Variants in MPZL1 observed in about 807,000 individuals in gnomAD.
MPZL1 encodes myelin protein zero-like protein 1.
In MPZL1, 16 loss-of-function variants were observed where a neutral mutation model predicts 29.3. The ratio of observed to expected loss-of-function variants is 0.55; its 90% confidence interval spans 0.37 to 0.83. The LOEUF (loss-of-function observed/expected upper bound fraction) is 0.83. Ranked by LOEUF, MPZL1 falls within the 40% of genes least tolerant of loss-of-function variation. MPZL1 has a pLI of 0.00. For missense variants in MPZL1, 279 were observed against 332.9 expected, an observed-to-expected ratio of 0.84 and a Z score of 1.26; for synonymous variants, 143 against 132.0, an observed-to-expected ratio of 1.08 and a Z score of -0.57.
chr1:167,722,041 C>T lies in MPZL1; in HGVS notation c.-111C>T. Reference sequence around the variant, plus strand: ...GGGAGCGCGGCGTGGAGGTGCCACCCGGCGCGGGTGGCGGAGAGATCAGAA... The same window carrying T: ...GGGAGCGCGGCGTGGAGGTGCCACCTGGCGCGGGTGGCGGAGAGATCAGAA... On this transcript the variant is annotated 5_prime_UTR_variant, in exon 1 of 6. Transcript: ENST00000359523. 1 of 1,224,528 alleles carries T rather than the reference C, an allele frequency of 8.2e-7. No homozygotes were observed. The highest frequency in any genetic ancestry group is 1.0e-6 in the Non-Finnish European group (1 of 982,044). 75.9% of individuals were successfully genotyped at this position (1,224,528 alleles called of 1,614,324 possible). A position where few individuals can be genotyped will look rare whatever the true frequency, so the allele number is the denominator to read the frequency against.
intron 1 of MPZL1, among the ~76,000 whole-genome samples, chr1:167,746,938 C>T (rs903017933): frequency 3.3e-5 from 5 of 152,084 alleles, no homozygotes; most frequent in Non-Finnish European, 5.9e-5. Context: ...GGAATTTGAT[C>T]CTTCATAGCA....
intron 1 of MPZL1, among the ~76,000 whole-genome samples, chr1:167,743,136 C>T (rs1402763953): frequency 6.6e-6 from 1 of 151,612 alleles, no homozygotes. Context: ...TTTTCTAGTT[C>T]TGTGAAAACT....
intron 5 of MPZL1, among the ~76,000 whole-genome samples, chr1:167,786,229 G>A (rs546180100): frequency 6.2e-4 from 94 of 152,264 alleles, no homozygotes; most frequent in African/African-American, 2.1e-3. Context: ...AGCCATTATA[G>A]ACTAAAGATA....
At chr1:167,787,775 C>G (rs368401757) in intron 5 of MPZL1, 45 bp from the exon 6 acceptor site, 1 of 1,446,500 alleles carries the variant, frequency 6.9e-7, no homozygotes. Flanking sequence ...CTGAAGGAAC[C>G]GCCAGCGTTT....
At chr1:167,743,466 A>G (rs1019467378) in intron 1 of MPZL1, among the ~76,000 whole-genome samples, 2 of 151,962 alleles carry the variant, frequency 1.3e-5, no homozygotes, top group African/African-American at 4.8e-5. Flanking sequence ...TCGGCCTCCC[A>G]AAGTACTGAG....
intron 1 of MPZL1, among the ~76,000 whole-genome samples, chr1:167,747,622 T>C (rs540911268): frequency 3.8e-4 from 58 of 152,334 alleles, no homozygotes; most frequent in Non-Finnish European, 7.1e-4. Context: ...CCCTGTCCCT[T>C]TGCTGAGGAA....
chr1:167,774,289 T>C lies in MPZL1; in HGVS notation c.605+921T>C, dbSNP rs568146973. On this transcript the variant is annotated intron_variant, in intron 4 of 5. Transcript: ENST00000359523. ...AGCAGAGGCTGGATTCAAGTTGATA[T>C]AGCATGAGCAGTGTTGCAGATGCAC... Among the ~76,000 whole-genome samples, 26 of 152,318 alleles carry C rather than the reference T, an allele frequency of 1.7e-4. No homozygotes were observed. The East Asian group carries it at 2.9e-3, about 17-fold the overall frequency.
chr1:167,743,219 T>C (rs1660571307), intron 1 of MPZL1, among the ~76,000 whole-genome samples: 1 of 152,002 alleles, frequency 6.6e-6, no homozygotes, highest in East Asian at 1.9e-4. Flanking sequence ...TTTCACTTTT[T>C]TTTTTTCTTC....
intron 4 of MPZL1, 173 bp downstream of exon 4, chr1:167,773,541 G>T: frequency 1.5e-6 from 1 of 658,990 alleles, no homozygotes; most frequent in Middle Eastern, 4.4e-4. Context: ...GAAATCAGTG[G>T]GCCTGCTATT....
chr1:167,765,688 C>G lies in MPZL1; in HGVS notation c.197C>G (p.Thr66Ser), dbSNP rs1166209474. 5.0e-6 allele frequency: 8 copies of G among 1,613,228 alleles called. No individual in the cohort carries two copies. In the Middle Eastern group the frequency reaches 4.9e-4, roughly 99 times the overall value. Residue 66 changes from threonine (T) to serine (S), a missense_variant, in exon 2 of 6, where the codon ACT becomes AGT. Coordinates refer to ENST00000359523, the MANE Select transcript of MPZL1 (RefSeq NM_003953.6). ...LTCKFKSTST[T>S]GGLTSVSWSF... ...TGCAAGTTCAAGTCTACTAGTACGA[C>G]TGGCGGGTTGACCTCAGTCTCCTGG...
chr1:167,760,327 C>T (rs894267953), intron 1 of MPZL1, among the ~76,000 whole-genome samples: 4 of 151,004 alleles, frequency 2.6e-5, no homozygotes, highest in Admixed American at 6.6e-5. Context: ...CTCAGCCTTC[C>T]GATTAGCTGG....
Position 167,765,713 on chromosome 1 carries a change from G to T in MPZL1, c.222G>T (p.Trp74Cys). 1 of 1,611,710 alleles carries T rather than the reference G, an allele frequency of 6.2e-7. No individual in the cohort carries two copies. Among genetic ancestry groups the T allele is most frequent in the Non-Finnish European group, 8.5e-7 (1 of 1,178,908 alleles). ...STTGGLTSVS[W>C]SFQPEGADTT... is the part of the protein sequence containing the mutation. ...CTGGCGGGTTGACCTCAGTCTCCTG[G>T]AGCTTCCAGCCAGAGGGGGCCGACA... Residue 74 changes from tryptophan to cysteine, a missense_variant, in exon 2 of 6, where the codon TGG becomes TGT. By Grantham distance (215) the Trp-to-Cys change is radical. Transcript: ENST00000359523.
intron 1 of MPZL1, among the ~76,000 whole-genome samples, chr1:167,728,083 A>G (rs1017838925): frequency 2.2e-5 from 3 of 135,802 alleles, no homozygotes; most frequent in Non-Finnish European, 3.1e-5. Context: ...CCTGTTGCCC[A>G]GGCTGGAGTG....
chr1:167,739,545 A>C (rs989634358), intron 1 of MPZL1, among the ~76,000 whole-genome samples: 3 of 152,014 alleles, frequency 2.0e-5, no homozygotes, highest in Admixed American at 1.3e-4. Context: ...TCTAAGATGT[A>C]ATTTACCTTA....
In MPZL1 at chr1:167,759,753, G is replaced by A. The variant is rs541094906; in HGVS notation, c.92-5830G>A. On this transcript the variant is annotated intron_variant, in intron 1 of 5. Transcript: ENST00000359523. ...CTCTTCCCTTGTCTCTCATGGCATCGTGATTTCCTGGGATACCTTTGGTCT... is the reference window on the plus strand; with the variant it reads ...CTCTTCCCTTGTCTCTCATGGCATCATGATTTCCTGGGATACCTTTGGTCT... Among the ~76,000 whole-genome samples the A allele has an allele frequency of 4.6e-5, 7 of 152,264 alleles. No homozygotes were observed. In the South Asian group the frequency reaches 8.3e-4, roughly 18 times the overall value.
chr1:167,746,718 T>A (rs1364437246), intron 1 of MPZL1, among the ~76,000 whole-genome samples: 1 of 152,200 alleles, frequency 6.6e-6, no homozygotes, highest in Non-Finnish European at 1.5e-5. Flanking sequence ...GCAGTATTAA[T>A]CCATTTGGAT....
intron 1 of MPZL1, among the ~76,000 whole-genome samples, chr1:167,732,906 G>C (rs1660300257): frequency 6.6e-6 from 1 of 152,168 alleles, no homozygotes; most frequent in Non-Finnish European, 1.5e-5. Flanking sequence ...GGTCCACAAA[G>C]CTAGTGTGCT....
intron 1 of MPZL1, among the ~76,000 whole-genome samples, chr1:167,728,503 CA>C (rs374815873): frequency 1.3e-5 from 2 of 152,102 alleles, no homozygotes; most frequent in Non-Finnish European, 2.9e-5. Context: ...CCACCGTGCC[CA>C]ACCTATTCAT....
intron 2 of MPZL1, among the ~76,000 whole-genome samples, chr1:167,771,243 G>C (rs1390084293): frequency 6.6e-6 from 1 of 152,060 alleles, no homozygotes; most frequent in East Asian, 1.9e-4. Context: ...AGCACATCTT[G>C]CACCGCCCTT....
Sources: allele counts gnomAD v4.1 joint callset (sites outside exome capture counted in the v4.1 genomes callset), GRCh38; gene constraint gnomAD v4.1.1; transcripts MANE v1.5; gene names NCBI Gene and HGNC (gene_info 2026-07-23, HGNC 2026-07-21).